Variants in EBF1 observed in about 807,000 individuals in gnomAD.
EBF1 encodes the protein EBF transcription factor 1, also known as transcription factor COE1.
In EBF1, 10 loss-of-function variants were observed where a neutral mutation model predicts 68.4. The ratio of observed to expected loss-of-function variants is 0.15; its 90% CI spans 0.09 to 0.25. The LOEUF (loss-of-function observed/expected upper bound fraction) is 0.25. EBF1 is among the 10% of genes least tolerant of loss of function. EBF1 has a pLI of 1.00. For missense variants in EBF1, 509 were observed against 794.4 expected (o/e 0.64, Z 4.32); for synonymous variants, 298 against 299.8 (o/e 0.99, Z 0.06).
chr5:159,012,395 G>T lies in EBF1; in HGVS notation c.554+61001C>A, dbSNP rs536442099. Among the ~76,000 whole-genome samples the T allele has an allele frequency of 2.0e-5, 3 of 152,212 alleles. No individual in the cohort carries two copies. In the South Asian group the frequency reaches 6.2e-4, roughly 32 times the overall value. On this transcript the variant is annotated intron_variant, in intron 6 of 15. Coordinates refer to ENST00000313708, the MANE Select transcript of EBF1 (RefSeq NM_024007.5). ...GAGTCTAATCATGGCCACTGCCATG[G>T]GCTGAATTGTGTCCCATTCCACTCC...
At chr5:158,961,301 T>C (rs1228194074) in intron 6 of EBF1, among the ~76,000 whole-genome samples, 24 of 143,718 alleles carry the variant, frequency 1.7e-4, no homozygotes, top group Admixed American at 5.7e-4. Context: ...AATTCAAAGA[T>C]TACACTTTGA....
At chr5:158,745,100 G>A (rs1443362964) in intron 10 of EBF1, among the ~76,000 whole-genome samples, 1 of 152,090 alleles carries the variant, frequency 6.6e-6, no homozygotes, top group Non-Finnish European at 1.5e-5. Flanking sequence ...GGATGTTGGT[G>A]GTCTTAATAT....
At chr5:158,725,799 A>C (rs577463954) in intron 11 of EBF1, among the ~76,000 whole-genome samples, 2 of 152,258 alleles carry the variant, frequency 1.3e-5, no homozygotes, top group South Asian at 4.1e-4. Context: ...GGTTTGGCGG[A>C]GGTTTGTTTG....
chr5:158,909,432 C>G (rs542732227), intron 6 of EBF1, among the ~76,000 whole-genome samples: 1 of 152,040 alleles, frequency 6.6e-6, no homozygotes, highest in Non-Finnish European at 1.5e-5. Context: ...GACCAAGAAC[C>G]CTGGTCGCAT....
intron 6 of EBF1, among the ~76,000 whole-genome samples, chr5:158,980,774 A>G (rs927581168): frequency 3.3e-5 from 5 of 152,212 alleles, no homozygotes; most frequent in Non-Finnish European, 5.9e-5. Flanking sequence ...AACAGTAAAA[A>G]CAGCAGGTGT....
At chr5:159,034,214 T>G (rs1769553836) in intron 6 of EBF1, among the ~76,000 whole-genome samples, 1 of 152,222 alleles carries the variant, frequency 6.6e-6, no homozygotes, top group African/African-American at 2.4e-5. Flanking sequence ...CAAGAAGGGT[T>G]AATCTTGATT....
At chr5:158,944,378 T>G (rs1239315845) in intron 6 of EBF1, among the ~76,000 whole-genome samples, 1 of 152,184 alleles carries the variant, frequency 6.6e-6, no homozygotes, top group African/African-American at 2.4e-5. Flanking sequence ...TTTATCCATA[T>G]CCCTGCAAAG....
intron 6 of EBF1, among the ~76,000 whole-genome samples, chr5:158,926,976 G>T (rs1809840407): frequency 6.6e-6 from 1 of 152,208 alleles, no homozygotes; most frequent in Non-Finnish European, 1.5e-5. Context: ...TGCAATGAAT[G>T]CCAAGAAATA....
At position 158,702,858 on chromosome 5, in the gene EBF1, G is replaced by T. The variant is rs59815599; in HGVS notation, c.1745-3716C>A. Among the ~76,000 whole-genome samples, 511 of 150,560 alleles carry T rather than the reference G, an allele frequency of 3.4e-3. 3 individuals are homozygous for T. Among genetic ancestry groups the T allele is most frequent in the African/African-American group, 0.012 (491 of 40,988 alleles). On this transcript the variant is annotated intron_variant, in intron 15 of 15. Transcript: ENST00000313708. ...TGAATATGTGCATGGAAAAAATGAC[G>T]ATTCCATAGGATTTGGTCCTGGGCT...
intron 6 of EBF1, among the ~76,000 whole-genome samples, chr5:158,982,016 A>G (rs1008007926): frequency 6.6e-6 from 1 of 152,222 alleles, no homozygotes; most frequent in Admixed American, 6.5e-5. Context: ...AGTTCACTCA[A>G]TCAGAACTTG....
At chr5:158,780,053 A>G (rs1229674127) in intron 9 of EBF1, among the ~76,000 whole-genome samples, 2 of 152,220 alleles carry the variant, frequency 1.3e-5, no homozygotes, top group Non-Finnish European at 2.9e-5. Context: ...AATCTCTAGC[A>G]TTGACACATG....
chr5:159,085,851 T>G (rs1393090632), intron 4 of EBF1, among the ~76,000 whole-genome samples: 2 of 152,120 alleles, frequency 1.3e-5, no homozygotes, highest in Non-Finnish European at 2.9e-5. Context: ...TGCTTTGTTT[T>G]TGAACCTGGG....
chr5:158,944,820 C>G (rs551411132), intron 6 of EBF1, among the ~76,000 whole-genome samples: 2 of 152,094 alleles, frequency 1.3e-5, no homozygotes, highest in Non-Finnish European at 2.9e-5. Flanking sequence ...TAATGACCAG[C>G]GATGATGAGC....
chr5:158,917,783 G>C (rs1392836757), intron 6 of EBF1, among the ~76,000 whole-genome samples: 3 of 152,194 alleles, frequency 2.0e-5, no homozygotes, highest in Non-Finnish European at 4.4e-5. Flanking sequence ...CAGAAAAACT[G>C]ATCTAGCCCA....
At chr5:158,871,390 C>A (rs1796847905) in intron 6 of EBF1, among the ~76,000 whole-genome samples, 1 of 152,110 alleles carries the variant, frequency 6.6e-6, no homozygotes, top group Admixed American at 6.5e-5. Flanking sequence ...CATTTGGGCT[C>A]CCTTGGAAAA....
At chr5:158,991,825 G>A (rs888932556) in intron 6 of EBF1, among the ~76,000 whole-genome samples, 2 of 152,150 alleles carry the variant, frequency 1.3e-5, no homozygotes, top group Non-Finnish European at 2.9e-5. Flanking sequence ...TGTGTTACCT[G>A]TGGAGTGTTG....
At position 158,741,924 on chromosome 5, in the gene EBF1, A is replaced by G. The variant is rs75573671; in HGVS notation, c.1037-10767T>C. Among the ~76,000 whole-genome samples the G allele has an allele frequency of 6.4e-3, 980 of 152,304 alleles. 12 individuals are homozygous for G. Among genetic ancestry groups the G allele is most frequent in the African/African-American group, 0.022 (932 of 41,560 alleles). The stretch of plus-strand genomic sequence containing the variant: ...TATATGGATTAACCTATCCTTCACA[A>G]CAACTCTATAAGGAGGTACTATCAT... On this transcript the variant is annotated intron_variant, in intron 10 of 15. Coordinates refer to ENST00000313708, the MANE Select transcript of EBF1 (RefSeq NM_024007.5).
rs919050301 is a variant in EBF1, at chr5:158,777,346, C to T, written c.1036+67G>A. On this transcript the variant is annotated intron_variant, in intron 10 of 15. Coordinates refer to ENST00000313708, the MANE Select transcript of EBF1 (RefSeq NM_024007.5). ...AATAAAATACATGCTTTTATACAGACAAGATAAGGGGAAAGACCCCACAAG... is the reference window on the plus strand; with the variant it reads ...AATAAAATACATGCTTTTATACAGATAAGATAAGGGGAAAGACCCCACAAG... 6.9e-6 allele frequency: 10 copies of T among 1,447,226 alleles called. No individual in the cohort carries two copies. In the African/African-American group the frequency reaches 1.0e-4, roughly 14 times the overall value. 89.6% of individuals were successfully genotyped at this position (1,447,226 alleles called of 1,614,324 possible). A position where few individuals can be genotyped will look rare whatever the true frequency, so the allele number is the denominator to read the frequency against.
chr5:159,001,266 A>T (rs11745589), intron 6 of EBF1, among the ~76,000 whole-genome samples: 35,347 of 151,984 alleles, frequency 0.23, 4,447 homozygotes, highest in Non-Finnish European at 0.27. Context: ...TAAGAAAGAA[A>T]TTTTTTTTAA....
Sources: gnomAD v4.1 joint callset for allele counts (sites outside exome capture counted in the v4.1 genomes callset) on GRCh38, gnomAD v4.1.1 for gene constraint, MANE v1.5 for transcripts, NCBI Gene and HGNC (gene_info 2026-07-23, HGNC 2026-07-21) for gene names.